The following MEP1B variants were observed in gnomAD, a reference collection of about 807,000 sequenced individuals.
The protein encoded by MEP1B is meprin A subunit beta.
A neutral mutation model predicts 84.6 loss-of-function variants in MEP1B; 80 were observed. The observed-to-expected ratio is 0.95, with a 90% CI of 0.79 to 1.14. The LOEUF is 1.14. MEP1B is among the 50% of genes most tolerant of loss of function. The pLI, the probability that MEP1B is intolerant of heterozygous loss-of-function variation, is 0.00. For synonymous variants in MEP1B, 273 were observed against 288.1 expected (o/e 0.95, Z 0.53); for missense variants, 766 against 855.1 (o/e 0.90, Z 1.30).
At chr18:32,199,704 C>CTTCCTTCCTTCCTTCCTTCCTTCCTTCCT (rs1467871025) in intron 5 of MEP1B, among the ~76,000 whole-genome samples, 24 of 141,796 alleles carry the variant, frequency 1.7e-4, no homozygotes, top group African/African-American at 5.9e-4. Flanking sequence ...TCCTTCCTTC[C>CTTCCTTCCTTCCTTCCTTCCTTCCTTCCT]TTCCTTCTTT....
At chr18:32,216,534 A>G (rs1296107904) in intron 12 of MEP1B, among the ~76,000 whole-genome samples, 1 of 152,214 alleles carries the variant, frequency 6.6e-6, no homozygotes, top group Non-Finnish European at 1.5e-5. Context: ...TGGTTTCCTT[A>G]TCTGTCTCTT....
Position 32,207,390 on chromosome 18 carries a change from C to T in MEP1B, c.686C>T (p.Ser229Leu). 6.2e-7 allele frequency: 1 copy of T among 1,613,454 alleles called. No individual in the cohort carries two copies. The highest frequency in any genetic ancestry group is 8.5e-7 in the Non-Finnish European group (1 of 1,179,668). ...GTEPTIVTRI[S>L]DFEDVIGQRM... ...GAGCCGACAATTGTCACAAGAATCT[C>T]AGACTTTGAGGATGTGATCGGCCAA... The change falls in exon 8 of 15, where the codon TCA (serine) becomes TTA (leucine). Residue 229 changes from serine (S) to leucine (L), a missense_variant. Physicochemically the swap from Ser to Leu is moderately radical, Grantham distance 145. Coordinates refer to ENST00000269202, the MANE Select transcript of MEP1B (RefSeq NM_005925.3).
At chr18:32,205,775 T>C (rs2040958485) in intron 7 of MEP1B, among the ~76,000 whole-genome samples, 1 of 152,184 alleles carries the variant, frequency 6.6e-6, no homozygotes, top group South Asian at 2.1e-4. Context: ...TTTTGTTTTT[T>C]ATTATTATTT....
At chr18:32,211,309 C>T (rs1490969530) in intron 10 of MEP1B, among the ~76,000 whole-genome samples, 4 of 151,928 alleles carry the variant, frequency 2.6e-5, no homozygotes, top group African/African-American at 9.7e-5. Flanking sequence ...AAATAAAATA[C>T]ATAAAAATAC....
intron 7 of MEP1B, among the ~76,000 whole-genome samples, chr18:32,206,962 A>G (rs1003856412): frequency 6.6e-6 from 1 of 152,206 alleles, no homozygotes; most frequent in Non-Finnish European, 1.5e-5. Flanking sequence ...GCTGGTTAGC[A>G]GCACTTTCTA....
intron 2 of MEP1B, 106 bp from the exon 3 acceptor site, chr18:32,192,540 C>T (rs1160027028): frequency 5.0e-6 from 5 of 996,354 alleles, no homozygotes; most frequent in Non-Finnish European, 7.8e-6. Context: ...TAGTAGTCAC[C>T]TGAGGCCAAA....
At position 32,204,323 on chromosome 18, in the gene MEP1B, T is replaced by C. The variant is rs140327493; in HGVS notation, c.510T>C (p.Asp170=). 106 of 1,601,524 alleles carry C rather than the reference T, an allele frequency of 6.6e-5. No individual in the cohort carries two copies. The African/African-American group carries it at 1.3e-3, about 19-fold the overall frequency. ...FWHEQSRSDR[D]DYVRIMWDRI... is the part of the protein sequence containing the mutation. ...ATGAGCAGTCGCGTTCTGACCGGGA[T>C]GACTATGTCAGGATAATGTGGGACA... The change falls in exon 7 of 15, where the codon GAT becomes GAC. Residue 170 remains aspartate (D), a synonymous_variant. Transcript: ENST00000269202.
Position 32,215,193 on chromosome 18 carries a change from C to A in MEP1B, c.1691C>A (p.Thr564Asn). The A allele has an allele frequency of 6.2e-7, 1 of 1,611,650 alleles. No individual in the cohort carries two copies. The highest frequency in any genetic ancestry group is 8.5e-7 in the Non-Finnish European group (1 of 1,178,816). The change falls in exon 12 of 15, where the codon ACC becomes AAC. Residue 564 changes from threonine to asparagine, a missense_variant. Coordinates refer to ENST00000269202, the MANE Select transcript of MEP1B (RefSeq NM_005925.3). ...GGGYGTSAFI[T>N]HERLKSRDFI... is the part of the protein sequence containing the mutation. ...GGCTATGGAACCAGTGCCTTTATAA[C>A]CCACGAAAGGCTGAAAAGCAGAGAT...
intron 5 of MEP1B, among the ~76,000 whole-genome samples, chr18:32,201,439 A>T (rs2040911657): frequency 6.6e-6 from 1 of 152,108 alleles, no homozygotes; most frequent in Admixed American, 6.5e-5. Flanking sequence ...CAGATTAAGT[A>T]TGTGGTGGCA....
intron 5 of MEP1B, among the ~76,000 whole-genome samples, chr18:32,198,954 A>C (rs1238351180): frequency 6.6e-6 from 1 of 152,158 alleles, no homozygotes; most frequent in East Asian, 1.9e-4. Context: ...TTAGTGATTG[A>C]CTGTAAGAGG....
intron 5 of MEP1B, among the ~76,000 whole-genome samples, chr18:32,201,135 A>G (rs1282331410): frequency 6.6e-6 from 1 of 152,212 alleles, no homozygotes; most frequent in Non-Finnish European, 1.5e-5. Context: ...TTAAGTTTTG[A>G]TAAATGGCCT....
In MEP1B at chr18:32,191,846, T is replaced by C; in HGVS notation, c.82+6T>C. On this transcript the variant is annotated splice_donor_region_variant and intron_variant, in intron 2 of 14. Coordinates refer to ENST00000269202, the MANE Select transcript of MEP1B (RefSeq NM_005925.3). ...GGCAACTCCAGAAAACTTTGGTGAG[T>C]CTATTTTGAGTTTTGTTCTAGGTTA... 1 of 1,529,596 alleles carries C rather than the reference T, an allele frequency of 6.5e-7. No homozygotes were observed. The highest frequency in any genetic ancestry group is 8.9e-7 in the Non-Finnish European group (1 of 1,123,346). The allele number at this position is 1,529,596 out of a possible 1,614,324, so 94.8% of individuals were successfully genotyped here.
At chr18:32,199,955 T>A (rs866291623) in intron 5 of MEP1B, among the ~76,000 whole-genome samples, 8 of 152,118 alleles carry the variant, frequency 5.3e-5, no homozygotes, top group East Asian at 1.9e-4. Flanking sequence ...TTTCTTTTTT[T>A]AAAAAACTTA....
chr18:32,202,054 T>C (rs1483746474), intron 5 of MEP1B, among the ~76,000 whole-genome samples: 1 of 152,176 alleles, frequency 6.6e-6, no homozygotes, highest in African/African-American at 2.4e-5. Context: ...GCTCCAAAGG[T>C]TGATTGAATT....
chr18:32,194,629 G>T (rs922738180), intron 4 of MEP1B, among the ~76,000 whole-genome samples: 1 of 152,012 alleles, frequency 6.6e-6, no homozygotes, highest in African/African-American at 2.4e-5. Context: ...AACAACTAAT[G>T]TTCCCTCTGC....
intron 10 of MEP1B, 149 bp from the exon 11 acceptor site, chr18:32,212,967 A>T: frequency 1.5e-6 from 1 of 682,924 alleles, no homozygotes; most frequent in South Asian, 2.0e-5. Context: ...AAATAATTCT[A>T]GGCTGGAGCT....
At chr18:32,193,892 G>A (rs562137820) in intron 4 of MEP1B, among the ~76,000 whole-genome samples, 2 of 152,146 alleles carry the variant, frequency 1.3e-5, no homozygotes, top group African/African-American at 2.4e-5. Flanking sequence ...GAATCCAAAG[G>A]CATATCTCTG....
chr18:32,220,393 G>A lies in MEP1B; in HGVS notation c.*148G>A, dbSNP rs909019920. Reference sequence around the variant, plus strand: ...GGAAATATTATAAATCACTATTTTGGTCAAAGTCAAATTGGTGAAATGCTG... The same window carrying A: ...GGAAATATTATAAATCACTATTTTGATCAAAGTCAAATTGGTGAAATGCTG... On this transcript the variant is annotated 3_prime_UTR_variant, in exon 15 of 15. Coordinates refer to ENST00000269202, the MANE Select transcript of MEP1B (RefSeq NM_005925.3). The A allele has an allele frequency of 5.1e-5, 38 of 741,412 alleles. No individual in the cohort carries two copies. Among genetic ancestry groups the A allele is most frequent in the African/African-American group, 8.9e-5 (5 of 56,354 alleles). 45.9% of individuals were successfully genotyped at this position (741,412 alleles called of 1,614,324 possible).
At chr18:32,219,928 T>G (rs1319189661) in intron 14 of MEP1B, among the ~76,000 whole-genome samples, 1 of 152,212 alleles carries the variant, frequency 6.6e-6, no homozygotes, top group African/African-American at 2.4e-5. Context: ...GCTAGGCATT[T>G]CTACAGCTAA....
Sources: gnomAD v4.1 joint callset for allele counts (sites outside exome capture counted in the v4.1 genomes callset) on GRCh38, gnomAD v4.1.1 for gene constraint, MANE v1.5 for transcripts, NCBI Gene and HGNC (gene_info 2026-07-23, HGNC 2026-07-21) for gene names.